The following GLRA3 variants were observed in gnomAD, a reference collection of about 807,000 sequenced individuals.
The protein encoded by GLRA3 is glycine receptor subunit alpha-3.
In GLRA3, 44 loss-of-function variants were observed where a neutral mutation model predicts 60.4. The observed-to-expected ratio is 0.73, with a 90% CI of 0.57 to 0.94. The LOEUF (loss-of-function observed/expected upper bound fraction) is 0.94. GLRA3 is among the 40% of genes least tolerant of loss of function. The pLI, the probability that GLRA3 is intolerant of heterozygous loss-of-function variation, is 0.00. For missense variants in GLRA3, 508 were observed against 564.6 expected (o/e 0.90, Z 1.02); for synonymous variants, 223 against 192.9 (o/e 1.16, Z -1.29).
In GLRA3 at chr4:174,778,835, C is replaced by G. The variant is rs28602610; in HGVS notation, c.199+9981G>C. The stretch of plus-strand genomic sequence containing the variant: ...TGGAGGGTCCTACCCCACGGAGTCT[C>G]GCTGATTGCTAGCACAGCAGTCTGA... On this transcript the variant is annotated intron_variant, in intron 2 of 9. Transcript: ENST00000274093. Among the ~76,000 whole-genome samples the G allele has an allele frequency of 5.2e-3, 787 of 152,324 alleles. 4 individuals are homozygous for G. The highest frequency in any genetic ancestry group is 0.018 in the African/African-American group (764 of 41,578).
intron 5 of GLRA3, among the ~76,000 whole-genome samples, chr4:174,691,641 G>A (rs184480761): frequency 0.019 from 2,831 of 152,336 alleles, 42 homozygotes; most frequent in Middle Eastern, 0.071. Flanking sequence ...TGATCCGCCA[G>A]CCTCGGCCTC....
chr4:174,805,701 T>G (rs1740019775), intron 1 of GLRA3, among the ~76,000 whole-genome samples: 1 of 152,118 alleles, frequency 6.6e-6, no homozygotes, highest in Non-Finnish European at 1.5e-5. Flanking sequence ...ATCAGGGTAA[T>G]AAAAAGTATT....
intron 2 of GLRA3, among the ~76,000 whole-genome samples, chr4:174,781,808 T>G (rs183956863): frequency 6.6e-6 from 1 of 152,196 alleles, no homozygotes; most frequent in East Asian, 1.9e-4. Flanking sequence ...TGCTCTGCAA[T>G]TGTGGCAATA....
chr4:174,782,808 G>C (rs1738941781), intron 2 of GLRA3, among the ~76,000 whole-genome samples: 1 of 151,884 alleles, frequency 6.6e-6, no homozygotes, highest in Admixed American at 6.6e-5. Flanking sequence ...ACTGCTCAAG[G>C]AAATAAAAGA....
chr4:174,738,750 A>G (rs1451524183), intron 3 of GLRA3, among the ~76,000 whole-genome samples: 1 of 152,248 alleles, frequency 6.6e-6, no homozygotes, highest in South Asian at 2.1e-4. Flanking sequence ...TGAAGTGATG[A>G]GAACACATGT....
intron 3 of GLRA3, among the ~76,000 whole-genome samples, chr4:174,750,816 A>G (rs765047297): frequency 2.6e-5 from 4 of 152,136 alleles, no homozygotes; most frequent in Non-Finnish European, 5.9e-5. Flanking sequence ...TAGCTCATTA[A>G]GGAAGATCCC....
chr4:174,828,674 A>G (rs1438050785), intron 1 of GLRA3, 67 bp downstream of exon 1: 2 of 935,592 alleles, frequency 2.1e-6, no homozygotes, highest in Non-Finnish European at 1.8e-6. Flanking sequence ...CTCATCAATA[A>G]CAAGTGGTTG....
chr4:174,764,397 T>C (rs1422154326), intron 3 of GLRA3, among the ~76,000 whole-genome samples: 1 of 152,084 alleles, frequency 6.6e-6, no homozygotes, highest in Non-Finnish European at 1.5e-5. Flanking sequence ...GATAATTACG[T>C]AGTTTTATTT....
chr4:174,644,016 C>T lies in GLRA3; in HGVS notation c.1165G>A (p.Gly389Arg), dbSNP rs1732713998. The T allele has an allele frequency of 1.2e-6, 2 of 1,613,668 alleles. No homozygotes were observed. Among genetic ancestry groups the T allele is most frequent in the Admixed American group, 1.7e-5 (1 of 59,944 alleles). ...CCATCCTTTGCTTGTAGACATGGTCCCATTCCATAGGCTGTGAAGCTGAAT... is the reference window on the plus strand; with the variant it reads ...CCATCCTTTGCTTGTAGACATGGTCTCATTCCATAGGCTGTGAAGCTGAAT... ...SRFSFTAYGM[G>R]PCLQAKDGMT... Residue 389 changes from glycine to arginine, a missense_variant, in exon 10 of 10, where the codon GGA becomes AGA. Gly to Arg is a moderately radical substitution (Grantham distance 125, BLOSUM62 -2). Around this residue, in one of 3 missense-constraint regions of GLRA3, gnomAD observed 176 missense variants for 197.9 expected, o/e 0.89. Transcript: ENST00000274093.
chr4:174,659,217 A>T lies in GLRA3; in HGVS notation c.928-20T>A. On this transcript the variant is annotated intron_variant, in intron 7 of 9. Coordinates refer to ENST00000274093, the MANE Select transcript of GLRA3 (RefSeq NM_006529.4). ...TGAAACCTAGCCAAGAGAGAAAGAG[A>T]AAGCAAGCAAATTCACTTATATTGT... 6.3e-7 allele frequency: 1 copy of T among 1,594,130 alleles called. No homozygotes were observed. The highest frequency in any genetic ancestry group is 1.1e-5 in the South Asian group (1 of 88,256).
intron 1 of GLRA3, among the ~76,000 whole-genome samples, chr4:174,822,650 T>A (rs1235452893): frequency 6.6e-6 from 1 of 152,192 alleles, no homozygotes; most frequent in Non-Finnish European, 1.5e-5. Context: ...TCATTCTATG[T>A]TGGCAATGGT....
At chr4:174,709,127 A>G (rs1215493491) in intron 5 of GLRA3, among the ~76,000 whole-genome samples, 1 of 152,074 alleles carries the variant, frequency 6.6e-6, no homozygotes, top group Non-Finnish European at 1.5e-5. Context: ...TCATGTTGCT[A>G]GCGCTTCAAA....
chr4:174,805,977 T>C (rs1740034431), intron 1 of GLRA3, among the ~76,000 whole-genome samples: 1 of 152,068 alleles, frequency 6.6e-6, no homozygotes, highest in Admixed American at 6.6e-5. Context: ...GAAGGGATCA[T>C]GTGGAGCCTT....
At chr4:174,747,089 A>G (rs1183768280) in intron 3 of GLRA3, among the ~76,000 whole-genome samples, 1 of 152,138 alleles carries the variant, frequency 6.6e-6, no homozygotes, top group African/African-American at 2.4e-5. Flanking sequence ...TCCTTCTATT[A>G]TTGGTCACCA....
At chr4:174,648,867 A>T (rs1365284194) in intron 9 of GLRA3, among the ~76,000 whole-genome samples, 1 of 152,118 alleles carries the variant, frequency 6.6e-6, no homozygotes, top group African/African-American at 2.4e-5. Flanking sequence ...GCAAAAATTG[A>T]CAGGATTTCT....
At position 174,741,876 on chromosome 4, in the gene GLRA3, C is replaced by A. The variant is rs184996397; in HGVS notation, c.268-13178G>T. Among the ~76,000 whole-genome samples the A allele has an allele frequency of 1.5e-3, 223 of 152,144 alleles. 1 individual carries two copies. The highest frequency in any genetic ancestry group is 5.1e-3 in the African/African-American group (211 of 41,538). On this transcript the variant is annotated intron_variant, in intron 3 of 9. Transcript: ENST00000274093. ...ATGCTATTTTCTTATGGTGCAGAAC[C>A]TAGGAAGAGCAGATTTAAAACTGTG...
At chr4:174,785,533 G>A (rs780492929) in intron 2 of GLRA3, among the ~76,000 whole-genome samples, 11 of 151,952 alleles carry the variant, frequency 7.2e-5, no homozygotes, top group Admixed American at 5.3e-4. Flanking sequence ...TTTCCATTTC[G>A]TTTCTGTTAA....
intron 2 of GLRA3, among the ~76,000 whole-genome samples, chr4:174,774,566 A>ACTAG (rs1738519917): frequency 6.6e-6 from 1 of 151,716 alleles, no homozygotes; most frequent in Non-Finnish European, 1.5e-5. Context: ...TCCCTGCTAA[A>ACTAG]TGCACTACCT....
At chr4:174,785,936 G>GTT (rs752488665) in intron 2 of GLRA3, among the ~76,000 whole-genome samples, 6,235 of 103,280 alleles carry the variant, frequency 0.06, 250 homozygotes, top group East Asian at 0.27. Flanking sequence ...TGCCTGGCTA[G>GTT]TTTTTTTTTT....
Sources: gnomAD v4.1 joint callset for allele counts (sites outside exome capture counted in the v4.1 genomes callset) on GRCh38, gnomAD v4.1.1 for gene constraint, gnomAD v4.1.1 regional missense constraint, MANE v1.5 for transcripts, NCBI Gene and HGNC (gene_info 2026-07-23, HGNC 2026-07-21) for gene names.